The following GABRG3 variants were observed in gnomAD, a reference collection of about 807,000 sequenced individuals.
GABRG3 encodes the protein gamma-aminobutyric acid type A receptor subunit gamma3.
In GABRG3, 25 loss-of-function variants were observed where a neutral mutation model predicts 48.8. The observed-to-expected ratio is 0.51, with a 90% CI of 0.37 to 0.72. The LOEUF is 0.72. Ranked by LOEUF, GABRG3 falls within the 30% of genes least tolerant of loss-of-function variation. GABRG3 has a pLI of 0.00. For synonymous variants in GABRG3, 227 were observed against 217.6 expected (o/e 1.04, Z -0.38); for missense variants, 394 against 577.9 (o/e 0.68, Z 3.26).
chr15:27,173,958 A>G (rs1405179341), intron 3 of GABRG3, among the ~76,000 whole-genome samples: 3 of 152,340 alleles, frequency 2.0e-5, no homozygotes, highest in Admixed American at 1.3e-4. Context: ...CTGTTTACCT[A>G]TCATCTGATT....
In GABRG3 at chr15:27,523,299, T is replaced by G. The variant is rs191213840; in HGVS notation, c.865+3175T>G. 1.8e-4 allele frequency among the ~76,000 whole-genome samples: 27 copies of G among 151,130 alleles called. No individual in the cohort carries two copies. The East Asian group carries it at 3.5e-3, about 19-fold the overall frequency. On this transcript the variant is annotated intron_variant, in intron 7 of 9. Coordinates refer to ENST00000615808, the MANE Select transcript of GABRG3 (RefSeq NM_033223.5). ...GAAGATTTGTGGTTTTGTATTTATA[T>G]AAAATAAATACATTTTTACAATGAA...
intron 3 of GABRG3, among the ~76,000 whole-genome samples, chr15:27,318,168 G>A (rs1295854666): frequency 6.6e-6 from 1 of 152,108 alleles, no homozygotes; most frequent in East Asian, 1.9e-4. Flanking sequence ...CTTTGGAAGG[G>A]TACTCAAAGC....
intron 2 of GABRG3, 122 bp from the exon 3 acceptor site, chr15:27,026,632 C>A: frequency 2.0e-6 from 1 of 512,604 alleles, no homozygotes; most frequent in Non-Finnish European, 3.3e-6. Context: ...AAAGAAAGCC[C>A]TGCTCATGTG....
intron 3 of GABRG3, among the ~76,000 whole-genome samples, chr15:27,265,632 A>G (rs972043751): frequency 1.2e-4 from 18 of 152,164 alleles, no homozygotes; most frequent in African/African-American, 4.1e-4. Flanking sequence ...TGCTGGTCCC[A>G]ACTAGGAAAC....
chr15:27,125,115 A>G (rs1459252817), intron 3 of GABRG3, among the ~76,000 whole-genome samples: 2 of 152,200 alleles, frequency 1.3e-5, no homozygotes, highest in Non-Finnish European at 2.9e-5. Flanking sequence ...ATGTAGTGTG[A>G]TGATATGCCG....
intron 3 of GABRG3, among the ~76,000 whole-genome samples, chr15:27,196,287 C>G (rs1007514226): frequency 3.9e-5 from 6 of 152,194 alleles, no homozygotes; most frequent in African/African-American, 1.2e-4. Context: ...TGAGTATCAC[C>G]AAGACCTTGC....
At chr15:27,018,978 G>T (rs1340400234) in intron 2 of GABRG3, among the ~76,000 whole-genome samples, 1 of 144,520 alleles carries the variant, frequency 6.9e-6, no homozygotes, top group Admixed American at 7.0e-5. Context: ...ATTCTTGAAA[G>T]ATTATTTGTC....
chr15:27,456,711 AG>A (rs1313611552), intron 5 of GABRG3, among the ~76,000 whole-genome samples: 1 of 152,168 alleles, frequency 6.6e-6, no homozygotes, highest in Non-Finnish European at 1.5e-5. Flanking sequence ...GGAAATAGGC[AG>A]GCTGTACTGG....
intron 3 of GABRG3, among the ~76,000 whole-genome samples, chr15:27,311,502 A>G (rs1375211708): frequency 1.3e-5 from 2 of 152,120 alleles, no homozygotes; most frequent in Non-Finnish European, 2.9e-5. Flanking sequence ...AGAGATGACA[A>G]TTTGATCTAA....
chr15:27,116,126 G>A (rs142316268), intron 3 of GABRG3, among the ~76,000 whole-genome samples: 135 of 152,300 alleles, frequency 8.9e-4, no homozygotes, highest in African/African-American at 2.8e-3. Flanking sequence ...GCCAGATGTC[G>A]CCCAGGGGAT....
At chr15:27,516,360 A>G (rs532299816) in intron 6 of GABRG3, among the ~76,000 whole-genome samples, 1 of 152,344 alleles carries the variant, frequency 6.6e-6, no homozygotes, top group Non-Finnish European at 1.5e-5. Context: ...TACGACAAAG[A>G]AAATTTGTAC....
intron 5 of GABRG3, among the ~76,000 whole-genome samples, chr15:27,395,087 T>C (rs1468134133): frequency 3.3e-5 from 5 of 152,216 alleles, no homozygotes; most frequent in Admixed American, 2.6e-4. Flanking sequence ...GTTCCCATTG[T>C]GCATGTGTTT....
chr15:27,040,267 T>C lies in GABRG3; in HGVS notation c.270+13446T>C, dbSNP rs182358488. 4.2e-3 allele frequency among the ~76,000 whole-genome samples: 634 copies of C among 152,338 alleles called. 1 individual carries two copies. Among genetic ancestry groups the C allele is most frequent in the African/African-American group, 0.015 (616 of 41,582 alleles). On this transcript the variant is annotated intron_variant, in intron 3 of 9. Coordinates refer to ENST00000615808, the MANE Select transcript of GABRG3 (RefSeq NM_033223.5). ...ATCTGACTGTAACTTCTTTGTCCCTTGAAGAGCCCTTGAGATGCAGCCAGG... is the reference window on the plus strand; with the variant it reads ...ATCTGACTGTAACTTCTTTGTCCCTCGAAGAGCCCTTGAGATGCAGCCAGG...
intron 9 of GABRG3, among the ~76,000 whole-genome samples, chr15:27,531,312 T>G (rs1340335325): frequency 1.3e-5 from 2 of 152,176 alleles, no homozygotes; most frequent in Non-Finnish European, 2.9e-5. Context: ...GAGTGCCTGA[T>G]CAACACTTCC....
chr15:27,211,195 G>A (rs1889068355), intron 3 of GABRG3, among the ~76,000 whole-genome samples: 1 of 152,274 alleles, frequency 6.6e-6, no homozygotes, highest in African/African-American at 2.4e-5. Flanking sequence ...TCCAGGAGTG[G>A]ATCTGCCTCT....
intron 2 of GABRG3, among the ~76,000 whole-genome samples, chr15:27,006,091 G>A (rs1262033601): frequency 6.6e-6 from 1 of 152,098 alleles, no homozygotes; most frequent in African/African-American, 2.4e-5. Context: ...ATCTGGACCA[G>A]TGTTTGTGGA....
rs1894941891 is a variant in GABRG3, at chr15:26,976,246, A to G, written c.54-756A>G. Among the ~76,000 whole-genome samples the G allele has an allele frequency of 6.6e-6, 1 of 152,190 alleles. No homozygotes were observed. Among genetic ancestry groups the G allele is most frequent in the African/African-American group, 2.4e-5 (1 of 41,456 alleles). On this transcript the variant is annotated intron_variant, in intron 1 of 9. Coordinates refer to ENST00000615808, the MANE Select transcript of GABRG3 (RefSeq NM_033223.5). The surrounding 1 kb of genome is among the most constrained non-coding windows in gnomAD (Gnocchi z 7.8). The stretch of plus-strand genomic sequence containing the variant: ...CTCCCTGCACAAAACAAGCTCAGAG[A>G]TGCCCAGGCATTCACTGAGACTCAT...
At chr15:27,490,906 C>A (rs1159375425) in intron 6 of GABRG3, among the ~76,000 whole-genome samples, 1 of 151,896 alleles carries the variant, frequency 6.6e-6, no homozygotes, top group African/African-American at 2.4e-5. Context: ...CACCACCCCC[C>A]CTTCACACTG....
rs1050150886 is a variant in GABRG3 at position 27,300,907 on chromosome 15, C to T, written c.271-25902C>T. 7.2e-5 allele frequency among the ~76,000 whole-genome samples: 11 copies of T among 152,084 alleles called. No individual in the cohort carries two copies. The South Asian group carries it at 1.9e-3, about 26-fold the overall frequency. The stretch of plus-strand genomic sequence containing the variant: ...GCTTGAACCTGGGAGATGGAGGTTG[C>T]GGTAAGCCAAGATCGCACCACTGTA... On this transcript the variant is annotated intron_variant, in intron 3 of 9. Coordinates refer to ENST00000615808, the MANE Select transcript of GABRG3 (RefSeq NM_033223.5).
Sources: gnomAD v4.1 joint callset for allele counts (sites outside exome capture counted in the v4.1 genomes callset) on GRCh38, gnomAD v4.1.1 for gene constraint, Gnocchi (gnomAD v3.1) non-coding constraint, MANE v1.5 for transcripts, NCBI Gene and HGNC (gene_info 2026-07-23, HGNC 2026-07-21) for gene names.